Variants in SLF2 observed in about 807,000 individuals in gnomAD.
SLF2 encodes SMC5/6 complex localization factor 2, also known as SMC5-SMC6 complex localization factor protein 2.
A neutral mutation model predicts 124.3 loss-of-function variants in SLF2; 68 were observed. The ratio of observed to expected loss-of-function variants is 0.55; its 90% CI spans 0.45 to 0.67. SLF2 has a LOEUF of 0.67. SLF2 is among the 30% of genes least tolerant of loss of function. The probability of loss-of-function intolerance (pLI) is 0.00; values close to 1 mark genes in which losing one functional copy is unlikely to be tolerated. For missense variants in SLF2, 1,246 were observed against 1,373.7 expected, an observed-to-expected ratio of 0.91 and a Z score of 1.47; for synonymous variants, 480 against 478.8, an observed-to-expected ratio of 1.00 and a Z score of -0.03.
chr10:100,950,012 A>T (rs1850179411), intron 15 of SLF2, 64 bp from the exon 16 acceptor site: 2 of 1,438,008 alleles, frequency 1.4e-6, no homozygotes, highest in Non-Finnish European at 1.8e-6. Context: ...CTGGAAAAAA[A>T]TAGCCTAAGA....
chr10:100,926,481 A>G (rs1849617496), intron 6 of SLF2: 2 of 448,452 alleles, frequency 4.5e-6, no homozygotes, highest in Non-Finnish European at 7.7e-6. Context: ...CCACATACCT[A>G]TGGTCCCAGC....
rs1007972651 is a variant in SLF2 at position 100,930,995 on chromosome 10, A to AT, written c.2360dup (p.Leu787PhefsTer50). ...TTTCAGATCGGGAAAAACAGATCAG[A>AT]TTTTTTTGACAACACAAGGTTTCCT... is the stretch of plus-strand genomic sequence containing the variant. On this transcript the variant is annotated frameshift_variant, in exon 9 of 20. Transcript: ENST00000238961. LOFTEE classifies it high-confidence loss of function. 1.9e-6 allele frequency: 3 copies of AT among 1,613,820 alleles called. No homozygotes were observed. The highest frequency in any genetic ancestry group is 1.7e-5 in the Admixed American group (1 of 59,988).
intron 18 of SLF2, 54 bp from the exon 19 acceptor site, chr10:100,959,374 T>G: frequency 6.5e-7 from 1 of 1,527,506 alleles, no homozygotes; most frequent in Non-Finnish European, 8.8e-7. Flanking sequence ...TTAAGCTGAT[T>G]GTAGGTGAGA....
In SLF2 at chr10:100,917,278, G is replaced by A; in HGVS notation, c.893G>A (p.Gly298Glu). The change falls in exon 3 of 20, where the codon GGA becomes GAA. Residue 298 changes from glycine to glutamate, a missense_variant. Transcript: ENST00000238961. ...EQRKQNDIIP[G>E]KNNLSNVENG... The stretch of plus-strand genomic sequence containing the variant: ...AGGAAACAGAATGACATCATACCTG[G>A]AAAAAATAATCTGTCAAATGTGGTA... The A allele has an allele frequency of 1.9e-6, 3 of 1,608,908 alleles. No individual in the cohort carries two copies.
At chr10:100,950,839 A>G in intron 17 of SLF2, 86 bp downstream of exon 17, 1 of 1,002,680 alleles carries the variant, frequency 1.0e-6, no homozygotes, top group Non-Finnish European at 1.5e-6. Context: ...TATAGGAGAA[A>G]ACTATGTAAA....
At chr10:100,933,213 A>G (rs7911957) in intron 9 of SLF2, among the ~76,000 whole-genome samples, 39,577 of 152,066 alleles carry the variant, frequency 0.26, 5,871 homozygotes, top group East Asian at 0.56. Flanking sequence ...ATCTATGTTA[A>G]TTTGCCTCTT....
Position 100,929,380 on chromosome 10 carries a change from A to G in SLF2, c.2106A>G (p.Pro702=). 2 of 1,613,358 alleles carry G rather than the reference A, an allele frequency of 1.2e-6. No individual in the cohort carries two copies. The highest frequency in any genetic ancestry group is 8.5e-7 in the Non-Finnish European group (1 of 1,179,456). The change falls in exon 7 of 20, where the codon CCA becomes CCG. Residue 702 remains proline (P), a synonymous_variant. Transcript: ENST00000238961. The stretch of plus-strand genomic sequence containing the variant: ...GGCAAGGCCGAGGCATTAAATCCCC[A>G]ATCAGAATTGGAGAAGAAGACAGTA... The part of the protein sequence containing the change: ...DIRQGRGIKS[P]IRIGEEDSTD...
chr10:100,960,915 G>A (rs538574365), intron 19 of SLF2, among the ~76,000 whole-genome samples: 1 of 142,734 alleles, frequency 7.0e-6, no homozygotes, highest in South Asian at 2.4e-4. Context: ...AAATTTTAAT[G>A]TACATAGGAA....
intron 10 of SLF2, 104 bp downstream of exon 10, chr10:100,937,581 A>AC: frequency 2.5e-6 from 2 of 788,990 alleles, no homozygotes; most frequent in Admixed American, 5.0e-5. Flanking sequence ...AATATACAAT[A>AC]CAAAATTATT....
In SLF2 at chr10:100,913,204, A is replaced by T; in HGVS notation, c.94A>T (p.Thr32Ser). 1.2e-6 allele frequency: 2 copies of T among 1,612,482 alleles called. No homozygotes were observed. The highest frequency in any genetic ancestry group is 1.7e-6 in the Non-Finnish European group (2 of 1,179,408). The change falls in exon 1 of 20, where the codon ACC becomes TCC. Residue 32 changes from threonine to serine, a missense_variant. Coordinates refer to ENST00000238961, the MANE Select transcript of SLF2 (RefSeq NM_018121.4). ...PPRCHLRPGS[T>S]AHAAAGKRTE... ...GCGCTGCCATCTGAGACCCGGTAGTACCGCCCATGCTGCAGCGGGAAAGAG... is the reference window on the plus strand; with the variant it reads ...GCGCTGCCATCTGAGACCCGGTAGTTCCGCCCATGCTGCAGCGGGAAAGAG...
chr10:100,952,472 A>G (rs1453373401), intron 17 of SLF2, among the ~76,000 whole-genome samples: 1 of 151,606 alleles, frequency 6.6e-6, no homozygotes, highest in Non-Finnish European at 1.5e-5. Context: ...GCCTGAACCC[A>G]GGAGGTGGAG....
rs547719176 is a variant in SLF2, at chr10:100,935,982, C to G, written c.2437-1420C>G. 1.5e-3 allele frequency among the ~76,000 whole-genome samples: 229 copies of G among 150,802 alleles called. 2 individuals are homozygous for G. Among genetic ancestry groups the G allele is most frequent in the African/African-American group, 5.1e-3 (210 of 41,174 alleles). ...CAAGTGATCCTCCCCCCTCAGCCCC[C>G]CAAGTAGCTGGGACTATAGGCATGC... On this transcript the variant is annotated intron_variant, in intron 9 of 19. Coordinates refer to ENST00000238961, the MANE Select transcript of SLF2 (RefSeq NM_018121.4).
chr10:100,947,822 A>G lies in SLF2; in HGVS notation c.3095A>G (p.Asp1032Gly), dbSNP rs1281004412. The G allele has an allele frequency of 6.8e-6, 11 of 1,611,554 alleles. No individual in the cohort carries two copies. The highest frequency in any genetic ancestry group is 8.5e-6 in the Non-Finnish European group (10 of 1,178,690). The change falls in exon 15 of 20, where the codon GAT becomes GGT. Residue 1032 changes from aspartate (D) to glycine (G), a missense_variant. Asp to Gly is a moderately conservative substitution (Grantham distance 94, BLOSUM62 -1). Transcript: ENST00000238961. ...AAGCTTTTGGATGAGAAACACGAAG[A>G]TGTTCCTAATGCCAGTAATCTGCAG... Reference protein sequence around the residue: ...ISKLLDEKHEDVPNASNLQVS... With the variant: ...ISKLLDEKHEGVPNASNLQVS...
intron 18 of SLF2, among the ~76,000 whole-genome samples, chr10:100,958,961 G>C (rs1850379826): frequency 6.6e-6 from 1 of 152,126 alleles, no homozygotes; most frequent in Admixed American, 6.5e-5. Context: ...AGTGAATTTT[G>C]GATCTTCTAA....
chr10:100,931,047 G>A lies in SLF2; in HGVS notation c.2405G>A (p.Cys802Tyr). The change falls in exon 9 of 20, where the codon TGT becomes TAT. Residue 802 changes from cysteine to tyrosine, a missense_variant. Physicochemically the swap from Cys to Tyr is radical, Grantham distance 194 (BLOSUM62 -2). Transcript: ENST00000238961. ...FLTSAYHYVQ[C>Y]PVPVLKWLFR... Reference sequence around the variant, plus strand: ...ACGTCTGCTTATCACTATGTCCAGTGTCCTGTCCCTGTGTTAAAGTGGCTG... The same window carrying A: ...ACGTCTGCTTATCACTATGTCCAGTATCCTGTCCCTGTGTTAAAGTGGCTG... 1.2e-6 allele frequency: 2 copies of A among 1,613,884 alleles called. No homozygotes were observed. The highest frequency in any genetic ancestry group is 1.7e-6 in the Non-Finnish European group (2 of 1,179,894).
chr10:100,925,291 G>T (rs1468576936), intron 5 of SLF2, among the ~76,000 whole-genome samples: 2 of 152,126 alleles, frequency 1.3e-5, no homozygotes, highest in Non-Finnish European at 2.9e-5. Flanking sequence ...TGCAAAAACA[G>T]AATTTAAAAG....
chr10:100,918,311 A>G lies in SLF2; in HGVS notation c.916-73A>G, dbSNP rs1316633853. The G allele has an allele frequency of 5.4e-6, 5 of 927,288 alleles. No homozygotes were observed. The Admixed American group carries it at 1.0e-4, about 18-fold the overall frequency. 57.4% of individuals were successfully genotyped at this position (927,288 alleles called of 1,614,324 possible). ...ATTCAATCTAGAAATCTGTGTTTAA[A>G]TGTTAGGAAGAATGCCTTCACATTC... On this transcript the variant is annotated intron_variant, in intron 3 of 19. Coordinates refer to ENST00000238961, the MANE Select transcript of SLF2 (RefSeq NM_018121.4).
At chr10:100,932,949 G>T in intron 9 of SLF2, among the ~76,000 whole-genome samples, 1 of 152,052 alleles carries the variant, frequency 6.6e-6, no homozygotes, top group East Asian at 1.9e-4. Context: ...CTAAAGATAC[G>T]TGGACACATG....
chr10:100,958,485 A>G (rs541835328), intron 18 of SLF2, among the ~76,000 whole-genome samples: 10 of 152,342 alleles, frequency 6.6e-5, no homozygotes, highest in East Asian at 1.9e-4. Context: ...CAGCCATGCT[A>G]AAAGGGGACC....
Sources: allele counts gnomAD v4.1 joint callset (sites outside exome capture counted in the v4.1 genomes callset), GRCh38; gene constraint gnomAD v4.1.1; transcripts MANE v1.5; gene names NCBI Gene and HGNC (gene_info 2026-07-23, HGNC 2026-07-21).